The following ENOX2 variants were observed in gnomAD, a reference collection of about 807,000 sequenced individuals.
ENOX2 encodes APK1 antigen.
A neutral mutation model predicts 45.0 loss-of-function variants in ENOX2; 36 were observed. The ratio of observed to expected loss-of-function variants is 0.80; its 90% confidence interval spans 0.61 to 1.06. The LOEUF (loss-of-function observed/expected upper bound fraction) is 1.06, where lower values mean the gene tolerates loss of function less well. ENOX2 is among the 50% of genes least tolerant of loss of function. The probability of loss-of-function intolerance (pLI) is 0.00; values close to 1 mark genes in which losing one functional copy is unlikely to be tolerated. For synonymous variants in ENOX2, 174 were observed against 152.3 expected (o/e 1.14, Z -1.05); for missense variants, 423 against 462.5 (o/e 0.91, Z 0.78).
At chrX:130,887,146 G>C (rs765393226) in intron 2 of ENOX2, among the ~76,000 whole-genome samples, 2 of 111,466 alleles carry the variant, frequency 1.8e-5, no homozygotes, top group African/African-American at 6.5e-5. Flanking sequence ...TGAACTGAAG[G>C]AAAAATAAAA....
At chrX:130,858,114 C>CTT (rs772117481) in intron 2 of ENOX2, among the ~76,000 whole-genome samples, 6 of 92,512 alleles carry the variant, frequency 6.5e-5, no homozygotes, top group Non-Finnish European at 4.4e-5. Context: ...GGGCTTTTTC[C>CTT]TTTTTTTTTT....
At chrX:130,652,970 C>T (rs1367226684) in intron 10 of ENOX2, among the ~76,000 whole-genome samples, 4 of 112,216 alleles carry the variant, frequency 3.6e-5, no homozygotes, top group Non-Finnish European at 5.6e-5. Context: ...AATACATTTC[C>T]GTCATTTAAG....
At position 130,733,810 on chromosome X, in the gene ENOX2, G is replaced by A. The variant is rs763627643; in HGVS notation, c.-38-30556C>T. 1.1e-4 allele frequency among the ~76,000 whole-genome samples: 12 copies of A among 111,789 alleles called. No individual in the cohort carries two copies. The South Asian group carries it at 3.4e-3, about 32-fold the overall frequency. On this transcript the variant is annotated intron_variant, in intron 3 of 14. Coordinates refer to ENST00000394363, the MANE Select transcript of ENOX2 (RefSeq NM_006375.4). The stretch of plus-strand genomic sequence containing the variant: ...GAGGGAGGTGGGCAATATGAGAAAC[G>A]GAATTGTTCTGCGTCTTCACTATAT...
intron 6 of ENOX2, among the ~76,000 whole-genome samples, chrX:130,676,444 T>A (rs1432167046): frequency 2.7e-5 from 3 of 111,708 alleles, no homozygotes; most frequent in African/African-American, 9.8e-5. Flanking sequence ...AAAATTTAGT[T>A]GTTTTCATAT....
chrX:130,875,132 G>C (rs1267085883), intron 2 of ENOX2, among the ~76,000 whole-genome samples: 1 of 111,510 alleles, frequency 9.0e-6, no homozygotes, highest in Non-Finnish European at 1.9e-5. Context: ...TGGTGTTACT[G>C]GTGAGAAAGG....
intron 2 of ENOX2, among the ~76,000 whole-genome samples, chrX:130,867,802 T>C (rs2078514247): frequency 8.9e-6 from 1 of 111,966 alleles, no homozygotes; most frequent in African/African-American, 3.2e-5. Context: ...GTTTGTCAGT[T>C]GTTCCTTCAA....
At chrX:130,741,210 C>G (rs1569495592) in intron 3 of ENOX2, among the ~76,000 whole-genome samples, 1 of 111,590 alleles carries the variant, frequency 9.0e-6, no homozygotes, top group African/African-American at 3.3e-5. Context: ...TGATGTTGAA[C>G]AAGTAAGTTA....
intron 2 of ENOX2, among the ~76,000 whole-genome samples, chrX:130,862,484 A>G (rs2078424205): frequency 9.1e-6 from 1 of 110,153 alleles, no homozygotes; most frequent in African/African-American, 3.3e-5. Context: ...CTTCCATATC[A>G]CTAATTGCCT....
intron 2 of ENOX2, among the ~76,000 whole-genome samples, chrX:130,804,432 G>A (rs1261997399): frequency 1.8e-5 from 2 of 111,535 alleles, no homozygotes; most frequent in African/African-American, 6.5e-5. Context: ...CCTCGTCTTG[G>A]GCACCCAAAG....
intron 2 of ENOX2, among the ~76,000 whole-genome samples, chrX:130,789,955 T>A (rs755431245): frequency 8.9e-6 from 1 of 112,491 alleles, no homozygotes; most frequent in South Asian, 3.7e-4. Flanking sequence ...TGAGGGAATA[T>A]TTACAATGTC....
chrX:130,729,305 C>T (rs1028886339), intron 3 of ENOX2, among the ~76,000 whole-genome samples: 3 of 111,820 alleles, frequency 2.7e-5, no homozygotes, highest in African/African-American at 3.2e-5. Flanking sequence ...CTTCTGAATC[C>T]TCAGGGTAGA....
At chrX:130,658,523 A>G (rs2036603575) in intron 9 of ENOX2, among the ~76,000 whole-genome samples, 1 of 111,912 alleles carries the variant, frequency 8.9e-6, no homozygotes, top group Admixed American at 9.5e-5. Context: ...ATTAATCTAC[A>G]TATTCAAAGA....
intron 3 of ENOX2, among the ~76,000 whole-genome samples, chrX:130,766,514 T>C (rs1380578303): frequency 8.9e-6 from 1 of 112,142 alleles, no homozygotes; most frequent in African/African-American, 3.2e-5. Context: ...CCTTAACACA[T>C]CTTTCACTAT....
intron 3 of ENOX2, among the ~76,000 whole-genome samples, chrX:130,776,731 A>G (rs1380132701): frequency 8.9e-6 from 1 of 111,833 alleles, no homozygotes; most frequent in Non-Finnish European, 1.9e-5. Context: ...ATAAGTATAA[A>G]ATGTTTTCCT....
chrX:130,793,927 G>A (rs1002488357), intron 2 of ENOX2, among the ~76,000 whole-genome samples: 1 of 112,249 alleles, frequency 8.9e-6, no homozygotes, highest in Non-Finnish European at 1.9e-5. Context: ...TGGTAGATGG[G>A]TGATCTATCA....
intron 3 of ENOX2, among the ~76,000 whole-genome samples, chrX:130,728,051 C>T (rs756203851): frequency 3.6e-5 from 4 of 111,145 alleles, no homozygotes; most frequent in Admixed American, 9.6e-5. Context: ...CAGTAGAGGG[C>T]GTTAGGGAGA....
chrX:130,701,676 G>C (rs1389197795), intron 4 of ENOX2, among the ~76,000 whole-genome samples: 2 of 111,414 alleles, frequency 1.8e-5, no homozygotes, highest in African/African-American at 6.5e-5. Context: ...AAAGAAACAG[G>C]CTTGGAAGCC....
intron 14 of ENOX2, among the ~76,000 whole-genome samples, chrX:130,627,125 GT>G (rs1012237839): frequency 8.1e-5 from 9 of 111,564 alleles, no homozygotes. Flanking sequence ...TATTCAGTCT[GT>G]GTTACAGAGG....
chrX:130,714,360 T>C (rs1018475959), intron 3 of ENOX2, among the ~76,000 whole-genome samples: 3 of 111,879 alleles, frequency 2.7e-5, no homozygotes, highest in Non-Finnish European at 5.6e-5. Context: ...GTTCCAACCA[T>C]GTGCATCAGA....
Sources: gnomAD v4.1 joint callset for allele counts (sites outside exome capture counted in the v4.1 genomes callset) on GRCh38, gnomAD v4.1.1 for gene constraint, MANE v1.5 for transcripts, NCBI Gene and HGNC (gene_info 2026-07-23, HGNC 2026-07-21) for gene names.